Variants in MACROD2 observed in about 807,000 individuals in gnomAD.
MACROD2 encodes ADP-ribose glycohydrolase MACROD2.
In MACROD2, 36 loss-of-function variants were observed where a neutral mutation model predicts 70.4. The observed-to-expected ratio is 0.51, with a 90% CI of 0.39 to 0.68. The LOEUF (loss-of-function observed/expected upper bound fraction) is 0.68, where lower values mean the gene tolerates loss of function less well. Among genes scored for constraint, MACROD2 ranks in the 30% least tolerant of loss-of-function variants. MACROD2 has a pLI of 0.00. For missense variants in MACROD2, 496 were observed against 538.4 expected (o/e 0.92, Z 0.78); for synonymous variants, 172 against 178.8 (o/e 0.96, Z 0.30).
intron 13 of MACROD2, among the ~76,000 whole-genome samples, chr20:15,973,726 A>T (rs1416633317): frequency 6.6e-6 from 1 of 152,212 alleles, no homozygotes; most frequent in East Asian, 1.9e-4. Context: ...TTAAAAGTAT[A>T]AAGTTAGAAA....
chr20:15,571,147 C>G (rs2048371841), intron 8 of MACROD2, among the ~76,000 whole-genome samples: 2 of 152,092 alleles, frequency 1.3e-5, no homozygotes, highest in African/African-American at 2.4e-5. Flanking sequence ...TACAGAAATA[C>G]TTTTTACTGA....
At chr20:14,741,447 A>G (rs2123719755) in intron 5 of MACROD2, among the ~76,000 whole-genome samples, 1 of 152,298 alleles carries the variant, frequency 6.6e-6, no homozygotes, top group South Asian at 2.1e-4. Context: ...ATTGTGAATG[A>G]TGATTAAGTA....
chr20:15,544,215 A>G (rs2047997285), intron 8 of MACROD2, among the ~76,000 whole-genome samples: 1 of 152,202 alleles, frequency 6.6e-6, no homozygotes. Flanking sequence ...CTTTGCCTGG[A>G]GTCGTATCAT....
chr20:15,523,807 G>C (rs2047683723), intron 8 of MACROD2, among the ~76,000 whole-genome samples: 1 of 152,154 alleles, frequency 6.6e-6, no homozygotes, highest in Non-Finnish European at 1.5e-5. Flanking sequence ...ATGATCGATG[G>C]ACAGTCTGAA....
chr20:15,707,625 A>G (rs909486658), intron 8 of MACROD2, among the ~76,000 whole-genome samples: 3 of 152,136 alleles, frequency 2.0e-5, no homozygotes, highest in African/African-American at 2.4e-5. Flanking sequence ...CTCTACAAAA[A>G]TACAAAAATT....
intron 6 of MACROD2, among the ~76,000 whole-genome samples, chr20:15,388,386 A>G (rs1282989530): frequency 6.6e-6 from 1 of 152,190 alleles, no homozygotes; most frequent in Non-Finnish European, 1.5e-5. Flanking sequence ...TGAGTGCCTT[A>G]GAAAGGAAAC....
chr20:14,233,712 A>G (rs1169682193), intron 3 of MACROD2, among the ~76,000 whole-genome samples: 8 of 35,514 alleles, frequency 2.3e-4, no homozygotes, highest in African/African-American at 4.3e-4. Flanking sequence ...AAAAAAAAAA[A>G]AGAAAAGAAA....
intron 6 of MACROD2, among the ~76,000 whole-genome samples, chr20:15,349,694 T>C (rs2078205957): frequency 6.8e-6 from 1 of 147,166 alleles, no homozygotes; most frequent in Non-Finnish European, 1.5e-5. Context: ...AGGCGGAGGT[T>C]GCAGTGAGCT....
intron 8 of MACROD2, among the ~76,000 whole-genome samples, chr20:15,804,263 C>T (rs2063750431): frequency 6.6e-6 from 1 of 152,114 alleles, no homozygotes; most frequent in Non-Finnish European, 1.5e-5. Context: ...TTGTAGAGTC[C>T]TAAAAACTGG....
At chr20:14,053,686 G>A (rs2053599988) in intron 2 of MACROD2, 1 of 152,084 alleles carries the variant, frequency 6.6e-6, no homozygotes, top group African/African-American at 2.4e-5. Context: ...TCAAGATGAA[G>A]TATGGTGATT....
intron 8 of MACROD2, among the ~76,000 whole-genome samples, chr20:15,709,097 T>C (rs951358121): frequency 6.6e-6 from 1 of 151,754 alleles, no homozygotes; most frequent in African/African-American, 2.4e-5. Context: ...ATTACAGGGT[T>C]CTTTGATGGC....
At chr20:14,722,205 C>A (rs2071477987) in intron 5 of MACROD2, among the ~76,000 whole-genome samples, 1 of 152,150 alleles carries the variant, frequency 6.6e-6, no homozygotes, top group Admixed American at 6.5e-5. Flanking sequence ...TCTGAATGTA[C>A]ATGTGCAATT....
intron 7 of MACROD2, among the ~76,000 whole-genome samples, chr20:15,443,453 A>G (rs538856457): frequency 6.6e-6 from 1 of 152,178 alleles, no homozygotes; most frequent in African/African-American, 2.4e-5. Context: ...AGTTTCCTAC[A>G]AGTGACTGCA....
At chr20:14,592,001 G>C (rs1216362546) in intron 4 of MACROD2, among the ~76,000 whole-genome samples, 1 of 152,154 alleles carries the variant, frequency 6.6e-6, no homozygotes, top group Non-Finnish European at 1.5e-5. Context: ...ATTGGGCAGA[G>C]AGGAGAAAAG....
At chr20:14,406,182 T>A (rs1020617112) in intron 3 of MACROD2, among the ~76,000 whole-genome samples, 3 of 152,168 alleles carry the variant, frequency 2.0e-5, no homozygotes, top group Non-Finnish European at 2.9e-5. Flanking sequence ...CAACAATGGA[T>A]AAGATGTACT....
intron 7 of MACROD2, among the ~76,000 whole-genome samples, chr20:15,491,180 A>G (rs1472678199): frequency 6.6e-6 from 1 of 152,134 alleles, no homozygotes; most frequent in Admixed American, 6.6e-5. Flanking sequence ...GTGCATGCCA[A>G]TGTGTGCCTG....
At chr20:14,743,607 C>T (rs6074788) in intron 5 of MACROD2, among the ~76,000 whole-genome samples, 1 of 151,936 alleles carries the variant, frequency 6.6e-6, no homozygotes, top group African/African-American at 2.4e-5. Flanking sequence ...TTATGTCATA[C>T]AGAACACCAA....
At chr20:14,207,987 T>C (rs2081539500) in intron 3 of MACROD2, among the ~76,000 whole-genome samples, 1 of 152,246 alleles carries the variant, frequency 6.6e-6, no homozygotes. Context: ...TCTTCTTTTT[T>C]CCTTTTTAAA....
In MACROD2 at chr20:15,718,827, C is replaced by T. The variant is rs148931597; in HGVS notation, c.646-143918C>T. ...ATGAGAAGAACTAAAGTCTGTCCTT[C>T]GATTTTCCTTGTGACCTTGGATAAG... On this transcript the variant is annotated intron_variant, in intron 8 of 17. Coordinates refer to ENST00000684519, the MANE Select transcript of MACROD2 (RefSeq NM_001351661.2). 1.6e-3 allele frequency among the ~76,000 whole-genome samples: 238 copies of T among 152,252 alleles called. 1 individual carries two copies. Among genetic ancestry groups the T allele is most frequent in the African/African-American group, 5.4e-3 (225 of 41,554 alleles).
Sources: gnomAD v4.1 joint callset for allele counts (sites outside exome capture counted in the v4.1 genomes callset) on GRCh38, gnomAD v4.1.1 for gene constraint, MANE v1.5 for transcripts, NCBI Gene and HGNC (gene_info 2026-07-23, HGNC 2026-07-21) for gene names.